The following CMSS1 variants were observed in gnomAD, a reference collection of about 807,000 sequenced individuals.
The protein encoded by CMSS1 is protein CMSS1.
In CMSS1, 33 loss-of-function variants were observed where a neutral mutation model predicts 43.5. That is an observed-to-expected ratio of 0.76 (90% confidence interval 0.57 to 1.01). The LOEUF (loss-of-function observed/expected upper bound fraction) is 1.01. CMSS1 is among the 50% of genes least tolerant of loss of function. The pLI, the probability that CMSS1 is intolerant of heterozygous loss-of-function variation, is 0.00. For synonymous variants in CMSS1, 115 were observed against 117.2 expected (o/e 0.98, Z 0.12); for missense variants, 313 against 326.4 (o/e 0.96, Z 0.32).
Position 100,037,956 on chromosome 3 carries a change from T to TTG in CMSS1, c.65-109017_65-109016insTG, listed in dbSNP as rs1491209575. Among the ~76,000 whole-genome samples the TTG allele has an allele frequency of 9.1e-3, 797 of 87,866 alleles. 13 individuals are homozygous for TTG. The highest frequency in any genetic ancestry group is 0.026 in the African/African-American group (636 of 24,476). 57.6% of individuals were successfully genotyped at this position (87,866 alleles called of 152,430 possible). A position where few individuals can be genotyped will look rare whatever the true frequency, so the allele number is the denominator to read the frequency against. ...TCGCTTTTCTTTTTTTTTTTTTTTT[T>TTG]GGGGGGGGAGGGAACAGAGTCTCAA... On this transcript the variant is annotated intron_variant, in intron 1 of 9. Transcript: ENST00000421999.
chr3:99,930,785 A>C, intron 1 of CMSS1: 1 of 1,613,414 alleles, frequency 6.2e-7, no homozygotes. Flanking sequence ...TTCTCCCTCC[A>C]GAATGCTGAG....
chr3:99,972,603 C>T (rs1313967165), intron 1 of CMSS1, among the ~76,000 whole-genome samples: 1 of 152,176 alleles, frequency 6.6e-6, no homozygotes, highest in Non-Finnish European at 1.5e-5. Flanking sequence ...GTTCATGTTT[C>T]CATGGGCTGT....
At chr3:99,969,763 G>A (rs1708760649) in intron 1 of CMSS1, among the ~76,000 whole-genome samples, 1 of 152,164 alleles carries the variant, frequency 6.6e-6, no homozygotes, top group South Asian at 2.1e-4. Flanking sequence ...CTGTGACCAT[G>A]GAGATGAAGA....
chr3:100,176,565 A>G, intron 9 of CMSS1, 150 bp downstream of exon 9: 1 of 588,118 alleles, frequency 1.7e-6, no homozygotes, highest in South Asian at 2.1e-5. Flanking sequence ...AACTATAATT[A>G]TAGAGGCCAC....
intron 1 of CMSS1, among the ~76,000 whole-genome samples, chr3:100,108,753 GC>G (rs1468926440): frequency 6.6e-6 from 1 of 152,148 alleles, no homozygotes; most frequent in Non-Finnish European, 1.5e-5. Flanking sequence ...ACAAATGTAT[GC>G]CCCTTCCAAA....
intron 2 of CMSS1, among the ~76,000 whole-genome samples, chr3:100,155,690 T>C (rs1328684602): frequency 1.3e-5 from 2 of 152,188 alleles, no homozygotes; most frequent in African/African-American, 4.8e-5. Flanking sequence ...TATCTGCAGG[T>C]AGGAAGTAAA....
intron 1 of CMSS1, among the ~76,000 whole-genome samples, chr3:99,991,890 A>ATG (rs1195158383): frequency 2.0e-5 from 3 of 148,950 alleles, no homozygotes; most frequent in African/African-American, 2.5e-5. Flanking sequence ...ATATGTATAT[A>ATG]TGTGTGTATA....
intron 1 of CMSS1, among the ~76,000 whole-genome samples, chr3:99,826,065 C>G (rs757832528): frequency 1.4e-4 from 22 of 152,068 alleles, no homozygotes; most frequent in African/African-American, 5.3e-4. Context: ...GTGTGAGCCA[C>G]GGAGCCCGGC....
intron 1 of CMSS1, among the ~76,000 whole-genome samples, chr3:99,884,928 A>C (rs1705844778): frequency 6.6e-6 from 1 of 152,132 alleles, no homozygotes; most frequent in African/African-American, 2.4e-5. Flanking sequence ...TACTTCCTTG[A>C]CCACAAATAT....
intron 8 of CMSS1, among the ~76,000 whole-genome samples, chr3:100,174,142 A>T (rs2067130786): frequency 6.6e-6 from 1 of 152,122 alleles, no homozygotes; most frequent in African/African-American, 2.4e-5. Flanking sequence ...AGGAGTTTGG[A>T]TTTTTGTCTT....
chr3:99,914,773 G>C (rs1429337805), intron 1 of CMSS1, among the ~76,000 whole-genome samples: 1 of 152,200 alleles, frequency 6.6e-6, no homozygotes, highest in African/African-American at 2.4e-5. Flanking sequence ...AGGCCATTCA[G>C]GATAGAGTTC....
chr3:100,164,643 G>T (rs2067051856), intron 4 of CMSS1, among the ~76,000 whole-genome samples: 1 of 152,140 alleles, frequency 6.6e-6, no homozygotes, highest in Non-Finnish European at 1.5e-5. Flanking sequence ...AGGTTTGAGA[G>T]AACAGGCCCT....
chr3:100,141,773 T>G (rs2066807592), intron 1 of CMSS1: 1 of 341,660 alleles, frequency 2.9e-6, no homozygotes, highest in African/African-American at 2.2e-5. Context: ...TGTCTTTTTT[T>G]TTAAGTAGAC....
At chr3:100,026,987 A>T (rs746122802) in intron 1 of CMSS1, among the ~76,000 whole-genome samples, 2 of 152,116 alleles carry the variant, frequency 1.3e-5, no homozygotes, top group Non-Finnish European at 2.9e-5. Context: ...CACATATGCC[A>T]GCTCATTTCC....
At chr3:99,900,092 C>T (rs1706387101) in intron 1 of CMSS1, among the ~76,000 whole-genome samples, 1 of 152,102 alleles carries the variant, frequency 6.6e-6, no homozygotes. Flanking sequence ...ATATCTAGAA[C>T]AGTGTTTCAC....
At chr3:100,061,973 A>G (rs952756727) in intron 1 of CMSS1, among the ~76,000 whole-genome samples, 5 of 151,984 alleles carry the variant, frequency 3.3e-5, no homozygotes, top group African/African-American at 1.2e-4. Flanking sequence ...AACCAAGACT[A>G]CTACCCATCT....
intron 1 of CMSS1, among the ~76,000 whole-genome samples, chr3:100,096,576 T>A (rs560259181): frequency 1.3e-4 from 19 of 151,526 alleles, no homozygotes; most frequent in Middle Eastern, 3.4e-3. Flanking sequence ...ATTGAACACA[T>A]GTTGATGGAG....
chr3:99,833,418 C>G (rs1026175169), intron 1 of CMSS1, among the ~76,000 whole-genome samples: 1 of 152,148 alleles, frequency 6.6e-6, no homozygotes, highest in African/African-American at 2.4e-5. Context: ...TCATAATGAG[C>G]AAAAGAAGTA....
At chr3:99,849,546 A>C in intron 1 of CMSS1, 1 of 1,613,424 alleles carries the variant, frequency 6.2e-7, no homozygotes, top group South Asian at 1.1e-5. Context: ...GCCCTGACTT[A>C]GCTTCTTCTT....
Sources: gnomAD v4.1 joint callset for allele counts (sites outside exome capture counted in the v4.1 genomes callset) on GRCh38, gnomAD v4.1.1 for gene constraint, MANE v1.5 for transcripts, NCBI Gene and HGNC (gene_info 2026-07-23, HGNC 2026-07-21) for gene names.